The following SBK1 variants were observed in gnomAD, a reference collection of about 807,000 sequenced individuals.
The protein encoded by SBK1 is SH3 domain binding kinase 1.
A neutral mutation model predicts 24.4 loss-of-function variants in SBK1; 11 were observed. The ratio of observed to expected loss-of-function variants is 0.45; its 90% CI spans 0.28 to 0.75. The LOEUF (loss-of-function observed/expected upper bound fraction) is 0.75, where lower values mean the gene tolerates loss of function less well. Ranked by LOEUF, SBK1 falls within the 30% of genes least tolerant of loss-of-function variation. The probability of loss-of-function intolerance (pLI) is 0.12; values close to 1 mark genes in which losing one functional copy is unlikely to be tolerated. For missense variants in SBK1, 467 were observed against 620.5 expected, an observed-to-expected ratio of 0.75 and a Z score of 2.63; for synonymous variants, 308 against 284.4, an observed-to-expected ratio of 1.08 and a Z score of -0.83.
chr16:28,306,155 TG>T (rs2044714997), intron 1 of SBK1, among the ~76,000 whole-genome samples: 1 of 152,038 alleles, frequency 6.6e-6, no homozygotes, highest in Non-Finnish European at 1.5e-5. Flanking sequence ...GGACTGTTGC[TG>T]TAGCCATCAG....
At chr16:28,265,290 A>T (rs1401795342) in intron 1 of SBK1, among the ~76,000 whole-genome samples, 2 of 151,808 alleles carry the variant, frequency 1.3e-5, no homozygotes, top group African/African-American at 4.8e-5. Context: ...ATCATGGCGC[A>T]TGTCTGTAGT....
At chr16:28,316,611 A>G (rs2044797935) in intron 1 of SBK1, among the ~76,000 whole-genome samples, 2 of 151,990 alleles carry the variant, frequency 1.3e-5, no homozygotes, top group Admixed American at 1.3e-4. Context: ...CAAAAAAAAA[A>G]TTAAAAATTA....
Position 28,323,565 on chromosome 16 carries a change from T to A in SBK1, c.*2644T>A, listed in dbSNP as rs1228172540. Reference sequence around the variant, plus strand: ...GCTAGAGGGTCTCCACCAGGCCCACTGAACAGAACCCCACGGCTGCCAGAA... The same window carrying A: ...GCTAGAGGGTCTCCACCAGGCCCACAGAACAGAACCCCACGGCTGCCAGAA... On this transcript the variant is annotated 3_prime_UTR_variant, in exon 4 of 4. Coordinates refer to ENST00000341901, the MANE Select transcript of SBK1 (RefSeq NM_001024401.3). 6.5e-6 allele frequency: 1 copy of A among 152,674 alleles called. No individual in the cohort carries two copies. The highest frequency in any genetic ancestry group is 2.4e-5 in the African/African-American group (1 of 41,430). 9.5% of individuals were successfully genotyped at this position (152,674 alleles called of 1,614,324 possible). A position where few individuals can be genotyped will look rare whatever the true frequency, so the allele number is the denominator to read the frequency against.
rs186214662 is a variant in SBK1, at chr16:28,277,514, C to G, written c.257+18012C>G. On this transcript the variant is annotated intron_variant, in intron 1 of 3. Transcript: ENST00000671413. ...CAATACAGTGAGACCCCCGTCTCCA[C>G]AAAAAATTAAATTAGCCGAGCATGG... is the stretch of plus-strand genomic sequence containing the variant. 2.8e-3 allele frequency among the ~76,000 whole-genome samples: 433 copies of G among 152,118 alleles called. 14 individuals are homozygous for G. The highest frequency in any genetic ancestry group is 0.026 in the Admixed American group (393 of 15,266).
At chr16:28,288,649 C>G (rs572524558), upstream of SBK1, among the ~76,000 whole-genome samples, 1 of 152,336 alleles carries the variant, frequency 6.6e-6, no homozygotes, top group African/African-American at 2.4e-5. Flanking sequence ...CCTGAGGGAC[C>G]TAAATTATTG....
chr16:28,302,141 G>A (rs762040733), intron 1 of SBK1, among the ~76,000 whole-genome samples: 6 of 152,170 alleles, frequency 3.9e-5, no homozygotes, highest in Admixed American at 6.5e-5. Flanking sequence ...TGAGCCTCAT[G>A]GTGCCCCGTG....
chr16:28,294,206 C>T (rs1467594747), intron 1 of SBK1, among the ~76,000 whole-genome samples: 1 of 152,148 alleles, frequency 6.6e-6, no homozygotes, highest in Non-Finnish European at 1.5e-5. Flanking sequence ...GAACCCCAGG[C>T]TCTACCGCAT....
chr16:28,321,225 A>G lies in SBK1; in HGVS notation c.*304A>G, dbSNP rs2141593917. 1 of 101,046 alleles carries G rather than the reference A, an allele frequency of 9.9e-6. No individual in the cohort carries two copies. Among genetic ancestry groups the G allele is most frequent in the Non-Finnish European group, 2.4e-5 (1 of 42,250 alleles). 6.3% of individuals were successfully genotyped at this position (101,046 alleles called of 1,614,324 possible). On this transcript the variant is annotated 3_prime_UTR_variant, in exon 4 of 4. Coordinates refer to ENST00000341901, the MANE Select transcript of SBK1 (RefSeq NM_001024401.3). ...CACACACACACACACACACACACAC[A>G]CACACACACACACGCCAGGAGCAAG...
upstream of SBK1, among the ~76,000 whole-genome samples, chr16:28,289,627 C>T (rs2044586923): frequency 6.6e-6 from 1 of 151,644 alleles, no homozygotes; most frequent in East Asian, 1.9e-4. Flanking sequence ...ATTAGCCAGG[C>T]GTGGTGGTAC....
chr16:28,270,868 T>C (rs2044460887), intron 1 of SBK1, among the ~76,000 whole-genome samples: 1 of 139,172 alleles, frequency 7.2e-6, no homozygotes, highest in Non-Finnish European at 1.5e-5. Context: ...TATTTATTTA[T>C]TTATTTATTT....
rs774208922 is a variant in SBK1, at chr16:28,320,526, C to A, written c.880C>A (p.Arg294Ser). The A allele has an allele frequency of 8.9e-6, 14 of 1,565,524 alleles. No homozygotes were observed. The highest frequency in any genetic ancestry group is 1.2e-5 in the Non-Finnish European group (14 of 1,162,422). The change falls in exon 4 of 4, where the codon CGC (arginine) becomes AGC (serine). Residue 294 changes from arginine to serine, a missense_variant. Physicochemically the swap from Arg to Ser is moderately radical, Grantham distance 110 (BLOSUM62 -1). Coordinates refer to ENST00000341901, the MANE Select transcript of SBK1 (RefSeq NM_001024401.3). This position sits in a 1 kb window ranked among gnomAD's most constrained non-coding sequence, Gnocchi z 8.5. ...FTEPALRMFQ[R>S]LLALEPERRG... is the part of the protein sequence containing the mutation. ...CGAGCCCGCGCTGCGCATGTTCCAGCGCTTACTGGCCCTGGAGCCCGAGCG... is the reference window on the plus strand; with the variant it reads ...CGAGCCCGCGCTGCGCATGTTCCAGAGCTTACTGGCCCTGGAGCCCGAGCG...
intron 1 of SBK1, among the ~76,000 whole-genome samples, chr16:28,277,310 TGA>T (rs2044499715): frequency 6.6e-6 from 1 of 151,358 alleles, no homozygotes; most frequent in African/African-American, 2.4e-5. Context: ...CCCCGGAGTT[TGA>T]GAACCACGGT....
chr16:28,271,183 A>G (rs1355744788), intron 1 of SBK1, among the ~76,000 whole-genome samples: 1 of 152,152 alleles, frequency 6.6e-6, no homozygotes, highest in African/African-American at 2.4e-5. Context: ...TACTTGAGAA[A>G]GCTACTGGAG....
chr16:28,290,273 T>C (rs1182850405), upstream of SBK1: 6 of 152,192 alleles, frequency 3.9e-5, no homozygotes, highest in Admixed American at 3.9e-4. Context: ...GGCAGTTTTA[T>C]GTAAGACAGC....
At chr16:28,308,725 C>T (rs1186985890) in intron 1 of SBK1, among the ~76,000 whole-genome samples, 3 of 146,260 alleles carry the variant, frequency 2.1e-5, no homozygotes, top group Non-Finnish European at 4.5e-5. Context: ...AGCTATCGTG[C>T]CTGGCGTTCT....
chr16:28,296,275 A>G (rs1471139417), intron 1 of SBK1, among the ~76,000 whole-genome samples: 1 of 151,822 alleles, frequency 6.6e-6, no homozygotes, highest in Non-Finnish European at 1.5e-5. Context: ...TTGTATTTTT[A>G]GTAGAGACGG....
At chr16:28,273,306 C>A (rs148617222) in intron 1 of SBK1, among the ~76,000 whole-genome samples, 1 of 151,850 alleles carries the variant, frequency 6.6e-6, no homozygotes, top group African/African-American at 2.4e-5. Context: ...CTGCAACTTC[C>A]GCCTCCTGGG....
chr16:28,317,581 T>A lies in SBK1; in HGVS notation c.190T>A (p.Tyr64Asn). ...ELVRELGKGT[Y>N]GKVDLVVYKG... is the part of the protein sequence containing the mutation. ...AGTCCGGGAGCTGGGCAAAGGCACC[T>A]ATGGGAAGGTTGACCTGGTGGTCTA... Residue 64 changes from tyrosine (Y) to asparagine (N), a missense_variant, in exon 2 of 4, where the codon TAT becomes AAT. Around this residue, in one of 4 missense-constraint regions of SBK1, gnomAD observed 123 missense variants for 158.2 expected, o/e 0.78. Coordinates refer to ENST00000341901, the MANE Select transcript of SBK1 (RefSeq NM_001024401.3). This position sits in a 1 kb window ranked among gnomAD's most constrained non-coding sequence, Gnocchi z 4.2. The A allele has an allele frequency of 6.2e-7, 1 of 1,614,000 alleles. No homozygotes were observed.
In SBK1 at chr16:28,273,199, C is replaced by G. The variant is rs550148335; in HGVS notation, c.257+13697C>G. On this transcript the variant is annotated intron_variant, in intron 1 of 3. Transcript: ENST00000671413. ...GTGCTGGATTAAAGGTGTGAGCCAC[C>G]GCACCTGGCCTCTCTTTCAGATTTT... Among the ~76,000 whole-genome samples the G allele has an allele frequency of 5.9e-5, 9 of 151,884 alleles. No individual in the cohort carries two copies. In the South Asian group the frequency reaches 1.9e-3, roughly 32 times the overall value.
Sources: allele counts gnomAD v4.1 joint callset (sites outside exome capture counted in the v4.1 genomes callset), GRCh38; gene constraint gnomAD v4.1.1; regional missense constraint gnomAD v4.1.1; non-coding constraint Gnocchi (gnomAD v3.1); transcripts MANE v1.5; gene names NCBI Gene and HGNC (gene_info 2026-07-23, HGNC 2026-07-21).